The following SRD5A1 variants were observed in gnomAD, a reference collection of about 807,000 sequenced individuals.
SRD5A1 encodes the protein steroid 5 alpha-reductase 1.
A neutral mutation model predicts 28.2 loss-of-function variants in SRD5A1; 22 were observed. The observed-to-expected ratio is 0.78, with a 90% CI of 0.56 to 1.12. The LOEUF (loss-of-function observed/expected upper bound fraction) is 1.12, where lower values mean the gene tolerates loss of function less well. Among genes scored for constraint, SRD5A1 ranks in the 50% most tolerant of loss-of-function variants. The pLI is 0.00. For synonymous variants in SRD5A1, 151 were observed against 135.0 expected, an observed-to-expected ratio of 1.12 and a Z score of -0.82; for missense variants, 300 against 346.7, an observed-to-expected ratio of 0.87 and a Z score of 1.07.
At chr5:6,666,202 C>T (rs557044205) in intron 4 of SRD5A1, among the ~76,000 whole-genome samples, 14 of 152,078 alleles carry the variant, frequency 9.2e-5, no homozygotes, top group Admixed American at 7.2e-4. Context: ...GGCTGGAGTG[C>T]AGTGGCGCGA....
chr5:6,636,260 G>T (rs1366913998), intron 1 of SRD5A1, among the ~76,000 whole-genome samples: 1 of 152,206 alleles, frequency 6.6e-6, no homozygotes, highest in Non-Finnish European at 1.5e-5. Flanking sequence ...ACAGCATTTA[G>T]CACTGAACAC....
Position 6,652,573 on chromosome 5 carries a change from AT to A in SRD5A1, c.460+567del, listed in dbSNP as rs8192188. On this transcript the variant is annotated intron_variant, in intron 2 of 4. Transcript: ENST00000274192. ...AGCCATCAAAAATATTTGCAAGAGC[AT>A]TAAAAATTAACACTCTGGCTGGGTG... Among the ~76,000 whole-genome samples the A allele has an allele frequency of 3.9e-3, 598 of 152,350 alleles. 4 individuals are homozygous for A. The highest frequency in any genetic ancestry group is 0.014 in the African/African-American group (569 of 41,580).
At position 6,656,165 on chromosome 5, in the gene SRD5A1, A is replaced by G. The variant is rs1738827984; in HGVS notation, c.548A>G (p.Tyr183Cys). ...CTCAGAAAACCAGGAGATACTGGATACAAAATACCAAGGGGTACGTACAGA... is the reference window on the plus strand; with the variant it reads ...CTCAGAAAACCAGGAGATACTGGATGCAAAATACCAAGGGGTACGTACAGA... ...RNLRKPGDTG[Y>C]KIPRGGLFEY... The change falls in exon 3 of 5, where the codon TAC (tyrosine) becomes TGC (cysteine). Residue 183 changes from tyrosine (Y) to cysteine (C), a missense_variant. Physicochemically the swap from Tyr to Cys is radical, Grantham distance 194. This residue lies in a region of SRD5A1 where 126 missense variants were observed against 185.7 expected (regional missense o/e 0.68). Coordinates refer to ENST00000274192, the MANE Select transcript of SRD5A1 (RefSeq NM_001047.4). 1 of 1,613,370 alleles carries G rather than the reference A, an allele frequency of 6.2e-7. No individual in the cohort carries two copies. Among genetic ancestry groups the G allele is most frequent in the Non-Finnish European group, 8.5e-7 (1 of 1,179,316 alleles).
At chr5:6,649,130 C>G (rs1028394525) in intron 1 of SRD5A1, among the ~76,000 whole-genome samples, 1 of 152,122 alleles carries the variant, frequency 6.6e-6, no homozygotes, top group Admixed American at 6.5e-5. Flanking sequence ...CAGATGCCAG[C>G]CAGAGCTCTC....
At chr5:6,659,359 C>T (rs1738934769) in intron 3 of SRD5A1, among the ~76,000 whole-genome samples, 1 of 151,800 alleles carries the variant, frequency 6.6e-6, no homozygotes, top group Non-Finnish European at 1.5e-5. Flanking sequence ...GTGATCCGCC[C>T]ACCTTGGCCT....
At position 6,668,316 on chromosome 5, in the gene SRD5A1, C is replaced by T. The variant is rs2126557478; in HGVS notation, c.*48C>T. On this transcript the variant is annotated 3_prime_UTR_variant, in exon 5 of 5. Transcript: ENST00000274192. ...TTCAACTTGAAGCTTTCCAATGGCG[C>T]TTCTCTATGGACTTTGTAAATAAGT... is the stretch of plus-strand genomic sequence containing the variant. 4 of 1,113,956 alleles carry T rather than the reference C, an allele frequency of 3.6e-6. No individual in the cohort carries two copies. Among genetic ancestry groups the T allele is most frequent in the Non-Finnish European group, 5.3e-6 (4 of 755,430 alleles). 69.0% of individuals were successfully genotyped at this position (1,113,956 alleles called of 1,614,324 possible). A position where few individuals can be genotyped will look rare whatever the true frequency, so the allele number is the denominator to read the frequency against.
rs1739345858 is a variant in SRD5A1 at position 6,671,085 on chromosome 5, T to C, written c.*2817T>C. On this transcript the variant is annotated 3_prime_UTR_variant, in exon 5 of 5. Transcript: ENST00000274192. ...TTAGTTCTAAGGAATTTCCACACTG[T>C]TTTCCATGGTGGCTCTAATAGTTTA... The C allele has an allele frequency of 6.6e-6, 1 of 152,196 alleles. No individual in the cohort carries two copies. Among genetic ancestry groups the C allele is most frequent in the East Asian group, 1.9e-4 (1 of 5,198 alleles). The allele number at this position is 152,196 out of a possible 1,614,324, so 9.4% of individuals were successfully genotyped here. A position where few individuals can be genotyped will look rare whatever the true frequency, so the allele number is the denominator to read the frequency against.
In SRD5A1 at chr5:6,671,079, ACACTGTT is replaced by A; in HGVS notation, c.*2812_*2818del. 1 of 152,310 alleles carries A rather than the reference ACACTGTT, an allele frequency of 6.6e-6. No individual in the cohort carries two copies. Among genetic ancestry groups the A allele is most frequent in the South Asian group, 2.1e-4 (1 of 4,824 alleles). The allele number at this position is 152,310 out of a possible 1,614,324, so 9.4% of individuals were successfully genotyped here. A position where few individuals can be genotyped will look rare whatever the true frequency, so the allele number is the denominator to read the frequency against. ...CTACTTTTAGTTCTAAGGAATTTCC[ACACTGTT>A]TTCCATGGTGGCTCTAATAGTTTAC... is the stretch of plus-strand genomic sequence containing the variant. On this transcript the variant is annotated 3_prime_UTR_variant, in exon 5 of 5. Coordinates refer to ENST00000274192, the MANE Select transcript of SRD5A1 (RefSeq NM_001047.4).
intron 1 of SRD5A1, among the ~76,000 whole-genome samples, chr5:6,642,804 C>G (rs1197238241): frequency 6.6e-6 from 1 of 152,176 alleles, no homozygotes; most frequent in Non-Finnish European, 1.5e-5. Context: ...TGTGATGAAA[C>G]TTTATTAAGC....
At chr5:6,637,269 T>TA (rs1241077057) in intron 1 of SRD5A1, among the ~76,000 whole-genome samples, 2 of 152,132 alleles carry the variant, frequency 1.3e-5, no homozygotes, top group African/African-American at 4.8e-5. Flanking sequence ...GCTCTGTGAT[T>TA]ACAGTGACGC....
intron 2 of SRD5A1, 64 bp from the exon 3 acceptor site, chr5:6,656,014 T>C (rs1349661008): frequency 8.2e-7 from 1 of 1,215,872 alleles, no homozygotes; most frequent in African/African-American, 1.5e-5. Flanking sequence ...TCAGTCAGGC[T>C]GGGGCTCGTA....
At chr5:6,640,586 G>A (rs1006461467) in intron 1 of SRD5A1, among the ~76,000 whole-genome samples, 1 of 150,610 alleles carries the variant, frequency 6.6e-6, no homozygotes, top group Non-Finnish European at 1.5e-5. Context: ...GGCTGGTCTC[G>A]GAACTCCTGG....
chr5:6,649,339 G>C (rs1443351986), intron 1 of SRD5A1, among the ~76,000 whole-genome samples: 1 of 152,176 alleles, frequency 6.6e-6, no homozygotes, highest in Non-Finnish European at 1.5e-5. Flanking sequence ...CCTCCCCCAG[G>C]TGCTCTGTCC....
intron 4 of SRD5A1, among the ~76,000 whole-genome samples, chr5:6,665,499 A>T (rs1344490434): frequency 6.6e-6 from 1 of 152,248 alleles, no homozygotes; most frequent in Non-Finnish European, 1.5e-5. Flanking sequence ...GTTGAAATAC[A>T]ACGTTATCTC....
In SRD5A1 at chr5:6,671,156, T is replaced by C. The variant is rs1739349143; in HGVS notation, c.*2888T>C. 6.6e-6 allele frequency: 1 copy of C among 152,216 alleles called. No individual in the cohort carries two copies. Among genetic ancestry groups the C allele is most frequent in the Non-Finnish European group, 1.5e-5 (1 of 68,040 alleles). 9.4% of individuals were successfully genotyped at this position (152,216 alleles called of 1,614,324 possible). A position where few individuals can be genotyped will look rare whatever the true frequency, so the allele number is the denominator to read the frequency against. On this transcript the variant is annotated 3_prime_UTR_variant, in exon 5 of 5. Coordinates refer to ENST00000274192, the MANE Select transcript of SRD5A1 (RefSeq NM_001047.4). ...AAGTGTTCCATGATTGCCGCATGCA[T>C]GCCAACATCTACTGTTTTTTGATTT... is the stretch of plus-strand genomic sequence containing the variant.
At chr5:6,636,558 GGA>G (rs1293360772) in intron 1 of SRD5A1, among the ~76,000 whole-genome samples, 2 of 152,146 alleles carry the variant, frequency 1.3e-5, no homozygotes. Context: ...GGAGTGGCAA[GGA>G]CCAGAGCCAG....
At chr5:6,635,132 A>G (rs916137328) in intron 1 of SRD5A1, among the ~76,000 whole-genome samples, 1 of 152,202 alleles carries the variant, frequency 6.6e-6, no homozygotes, top group African/African-American at 2.4e-5. Context: ...ACTTGGAACC[A>G]GTGTTGTACC....
chr5:6,650,805 C>A (rs1316299274), intron 1 of SRD5A1, among the ~76,000 whole-genome samples: 1 of 146,800 alleles, frequency 6.8e-6, no homozygotes, highest in Admixed American at 6.8e-5. Context: ...CCCCCCACCC[C>A]ACAACAGTCC....
In SRD5A1 at chr5:6,654,297, T is replaced by C. The variant is rs375295222; in HGVS notation, c.461-1781T>C. ...GTCTTGGACTCCTGACCTCAGGTGATTCACCCGCCTCAGCCTCCCAAAGTG... is the reference window on the plus strand; with the variant it reads ...GTCTTGGACTCCTGACCTCAGGTGACTCACCCGCCTCAGCCTCCCAAAGTG... On this transcript the variant is annotated intron_variant, in intron 2 of 4. Transcript: ENST00000274192. 2.6e-5 allele frequency among the ~76,000 whole-genome samples: 4 copies of C among 152,262 alleles called. 1 individual carries two copies. Among genetic ancestry groups the C allele is most frequent in the South Asian group, 4.1e-4 (2 of 4,826 alleles).
Sources: allele counts gnomAD v4.1 joint callset (sites outside exome capture counted in the v4.1 genomes callset), GRCh38; gene constraint gnomAD v4.1.1; regional missense constraint gnomAD v4.1.1; transcripts MANE v1.5; gene names NCBI Gene and HGNC (gene_info 2026-07-23, HGNC 2026-07-21).